The following CLIC5 variants were observed in gnomAD, a reference collection of about 807,000 sequenced individuals.
CLIC5 encodes CLIC family member 5.
Under a neutral mutation model 24.7 loss-of-function variants are expected in CLIC5, and 20 were observed. The observed-to-expected ratio is 0.81, with a 90% CI of 0.57 to 1.18. CLIC5 has a LOEUF of 1.18. Ranked by LOEUF, CLIC5 falls within the 50% of genes most tolerant of loss-of-function variation. The pLI, the probability that CLIC5 is intolerant of heterozygous loss-of-function variation, is 0.00. For missense variants in CLIC5, 341 were observed against 326.1 expected (o/e 1.05, Z -0.35); for synonymous variants, 159 against 135.6 (o/e 1.17, Z -1.20).
At chr6:46,013,926 G>A (rs1451266510) in intron 1 of CLIC5, among the ~76,000 whole-genome samples, 3 of 152,156 alleles carry the variant, frequency 2.0e-5, no homozygotes, top group Middle Eastern at 3.2e-3. Flanking sequence ...CTGGATGCTG[G>A]GGTTCAGAAC....
chr6:45,999,077 G>T (rs960045631), intron 1 of CLIC5, among the ~76,000 whole-genome samples: 2 of 152,198 alleles, frequency 1.3e-5, no homozygotes, highest in African/African-American at 4.8e-5. Context: ...CTCCCTGAGA[G>T]CAGAGTCCTT....
At chr6:46,055,266 C>T (rs762773464) in intron 1 of CLIC5, among the ~76,000 whole-genome samples, 5 of 152,186 alleles carry the variant, frequency 3.3e-5, no homozygotes, top group Admixed American at 6.5e-5. Flanking sequence ...ACATGCCTGG[C>T]TAATTTTTCT....
At chr6:45,997,155 C>A (rs1032915012) in intron 1 of CLIC5, among the ~76,000 whole-genome samples, 1 of 150,330 alleles carries the variant, frequency 6.7e-6, no homozygotes, top group East Asian at 2.0e-4. Flanking sequence ...ACATATACAC[C>A]ATGGAATACT....
chr6:45,958,569 G>C (rs1202847961), intron 1 of CLIC5, among the ~76,000 whole-genome samples: 1 of 149,866 alleles, frequency 6.7e-6, no homozygotes, highest in African/African-American at 2.5e-5. Flanking sequence ...CCTAGATACA[G>C]TGTATATAAC....
Position 45,911,672 on chromosome 6 carries a change from A to G in CLIC5, c.588+2556T>C, listed in dbSNP as rs142844679. Reference sequence around the variant, plus strand: ...TCAGGATTTTAAAGGGCAGAATGTTAGTTTCAATACAGCAGAAATGCAATT... The same window carrying G: ...TCAGGATTTTAAAGGGCAGAATGTTGGTTTCAATACAGCAGAAATGCAATT... On this transcript the variant is annotated intron_variant, in intron 5 of 5. Transcript: ENST00000339561. 43 of 985,286 alleles carry G rather than the reference A, an allele frequency of 4.4e-5. No homozygotes were observed. In the African/African-American group the frequency reaches 7.5e-4, roughly 17 times the overall value. 61.0% of individuals were successfully genotyped at this position (985,286 alleles called of 1,614,324 possible). A position where few individuals can be genotyped will look rare whatever the true frequency, so the allele number is the denominator to read the frequency against.
intron 2 of CLIC5, among the ~76,000 whole-genome samples, chr6:45,953,921 G>T (rs932731797): frequency 6.6e-6 from 1 of 152,036 alleles, no homozygotes; most frequent in Non-Finnish European, 1.5e-5. Flanking sequence ...TCTAGACTTG[G>T]CTACTGATCA....
At chr6:46,007,837 G>A (rs1482214403) in intron 1 of CLIC5, among the ~76,000 whole-genome samples, 3 of 150,410 alleles carry the variant, frequency 2.0e-5, no homozygotes, top group African/African-American at 4.9e-5. Context: ...AGCAAGTCAC[G>A]CAACCAGTGC....
chr6:45,950,141 T>C (rs897882585), intron 2 of CLIC5, among the ~76,000 whole-genome samples: 3 of 152,126 alleles, frequency 2.0e-5, no homozygotes, highest in African/African-American at 7.2e-5. Context: ...CTCCTACTGG[T>C]GAGTAAGAAG....
chr6:46,098,591 G>A, the CLIC5 span, among the ~76,000 whole-genome samples: 3 of 152,158 alleles, frequency 2.0e-5, no homozygotes, highest in Non-Finnish European at 4.4e-5. Context: ...GTATTGTGTT[G>A]GCGTTTCTTC....
In CLIC5 at chr6:45,944,789, G is replaced by A. The variant is rs538780984; in HGVS notation, c.300-3136C>T. Among the ~76,000 whole-genome samples the A allele has an allele frequency of 2.6e-5, 4 of 152,186 alleles. No homozygotes were observed. In the East Asian group the frequency reaches 7.7e-4, roughly 29 times the overall value. On this transcript the variant is annotated intron_variant, in intron 3 of 5. Transcript: ENST00000339561. ...GATTGGTTTTGGGGATAGATACCCTGGAGAAAAAGAAAGACGGTCCTGATG... is the reference window on the plus strand; with the variant it reads ...GATTGGTTTTGGGGATAGATACCCTAGAGAAAAAGAAAGACGGTCCTGATG...
At chr6:45,923,633 C>G (rs1763360870) in intron 4 of CLIC5, among the ~76,000 whole-genome samples, 1 of 152,216 alleles carries the variant, frequency 6.6e-6, no homozygotes, top group Admixed American at 6.5e-5. Context: ...ACATGGATTG[C>G]TGGGTGAGGA....
rs917817503 is a variant in CLIC5 at position 45,963,003 on chromosome 6, A to G, written c.64-7759T>C. ...GAACTGCCCTTTCCAACTCATCACC[A>G]CTGTCCCTTCTCCCAGCCCCTTCTT... On this transcript the variant is annotated intron_variant, in intron 1 of 5. Transcript: ENST00000339561. 9.2e-5 allele frequency among the ~76,000 whole-genome samples: 14 copies of G among 152,016 alleles called. 1 individual carries two copies. The highest frequency in any genetic ancestry group is 8.3e-4 in the South Asian group (4 of 4,822).
intron 1 of CLIC5, among the ~76,000 whole-genome samples, chr6:46,023,302 T>A (rs1162153283): frequency 6.6e-6 from 1 of 152,176 alleles, no homozygotes; most frequent in Non-Finnish European, 1.5e-5. Flanking sequence ...ATTTCTATAA[T>A]AACCCTATGA....
chr6:46,119,240 T>C, the CLIC5 span, among the ~76,000 whole-genome samples: 1 of 152,202 alleles, frequency 6.6e-6, no homozygotes. Context: ...TCTGCAAGAA[T>C]TAATCAAACA....
chr6:46,060,050 A>C (rs1376234091), intron 1 of CLIC5, among the ~76,000 whole-genome samples: 1 of 152,204 alleles, frequency 6.6e-6, no homozygotes, highest in Non-Finnish European at 1.5e-5. Flanking sequence ...TAGTTTTCCC[A>C]GCAAATATTA....
chr6:46,023,924 T>C (rs1767255663), intron 1 of CLIC5, among the ~76,000 whole-genome samples: 1 of 151,536 alleles, frequency 6.6e-6, no homozygotes, highest in African/African-American at 2.4e-5. Flanking sequence ...AACTGTCACC[T>C]AGTATTACTC....
intron 4 of CLIC5, among the ~76,000 whole-genome samples, chr6:45,914,873 C>A (rs1424981086): frequency 6.6e-6 from 1 of 151,064 alleles, no homozygotes; most frequent in African/African-American, 2.4e-5. Context: ...ATCGCTTGAA[C>A]CCAGGAGGCA....
intron 1 of CLIC5, among the ~76,000 whole-genome samples, chr6:45,967,209 G>A (rs964158130): frequency 7.9e-5 from 12 of 152,168 alleles, no homozygotes; most frequent in African/African-American, 2.9e-4. Context: ...TTGGCCACTT[G>A]GGCAGGGTGG....
the CLIC5 span, among the ~76,000 whole-genome samples, chr6:46,124,803 G>A: frequency 9.9e-5 from 15 of 152,186 alleles, no homozygotes; most frequent in Non-Finnish European, 1.0e-4. Flanking sequence ...AGACATTTAC[G>A]CAGCCAACAG....
Sources: gnomAD v4.1 joint callset for allele counts (sites outside exome capture counted in the v4.1 genomes callset) on GRCh38, gnomAD v4.1.1 for gene constraint, MANE v1.5 for transcripts, NCBI Gene and HGNC (gene_info 2026-07-23, HGNC 2026-07-21) for gene names.